Variants in ADGRV1 observed in about 807,000 individuals in gnomAD.
ADGRV1 encodes G-protein coupled receptor 98.
In ADGRV1, 359 loss-of-function variants were observed where a neutral mutation model predicts 596.2. The observed-to-expected ratio is 0.60, with a 90% confidence interval of 0.55 to 0.66. The LOEUF is 0.66. Ranked by LOEUF, ADGRV1 falls within the 30% of genes least tolerant of loss-of-function variation. ADGRV1 has a pLI of 0.00. For synonymous variants in ADGRV1, 2,681 were observed against 2,679.2 expected (o/e 1.00, Z -0.02); for missense variants, 7,274 against 7,575.6 (o/e 0.96, Z 1.48).
intron 86 of ADGRV1, among the ~76,000 whole-genome samples, chr5:91,099,498 G>A (rs1791179040): frequency 6.6e-6 from 1 of 152,216 alleles, no homozygotes; most frequent in South Asian, 2.1e-4. Context: ...TGCCCAGCTG[G>A]AATTGTGGGA....
chr5:90,778,669 T>G, intron 63 of ADGRV1, 60 bp downstream of exon 63: 1 of 1,355,646 alleles, frequency 7.4e-7, no homozygotes. Flanking sequence ...TGAAAATGTT[T>G]TCTTGTTTCT....
Position 90,750,642 on chromosome 5 carries a change from C to T in ADGRV1, c.11066C>T (p.Thr3689Ile), listed in dbSNP as rs1580996220. The stretch of plus-strand genomic sequence containing the variant: ...TTAAAAGGAACATATGGCCGTATAA[C>T]CATAGCATGGGAAGCTGATGGAAGT... ...ERLKGTYGRI[T>I]IAWEADGSIS... The change falls in exon 53 of 90, where the codon ACC becomes ATC. Residue 3689 changes from threonine to isoleucine, a missense_variant. Transcript: ENST00000405460. The T allele has an allele frequency of 2.5e-6, 4 of 1,612,352 alleles. No homozygotes were observed. In the East Asian group the frequency reaches 8.9e-5, roughly 36 times the overall value.
chr5:91,054,102 T>TGTGTGAGA (rs1299621929), intron 85 of ADGRV1, among the ~76,000 whole-genome samples: 13,467 of 126,300 alleles, frequency 0.11, 942 homozygotes, highest in Non-Finnish European at 0.15. Flanking sequence ...TGTGTGTGTG[T>TGTGTGAGA]GAGAGAGAGA....
chr5:90,943,692 T>C (rs1208772995), intron 83 of ADGRV1, among the ~76,000 whole-genome samples: 2 of 152,160 alleles, frequency 1.3e-5, no homozygotes, highest in Non-Finnish European at 2.9e-5. Context: ...CTGGCCTCCT[T>C]CTAGCTGCTG....
chr5:91,107,725 G>A (rs559920166), intron 87 of ADGRV1, among the ~76,000 whole-genome samples: 8 of 152,080 alleles, frequency 5.3e-5, no homozygotes, highest in Non-Finnish European at 1.2e-4. Context: ...GAAATCAGTG[G>A]GATCCAATGG....
chr5:91,063,233 A>G (rs1003946175), intron 85 of ADGRV1, among the ~76,000 whole-genome samples: 1 of 152,110 alleles, frequency 6.6e-6, no homozygotes, highest in Non-Finnish European at 1.5e-5. Flanking sequence ...TGCTGAGATT[A>G]TAGGCATGAG....
At position 90,840,924 on chromosome 5, in the gene ADGRV1, T is replaced by A; in HGVS notation, c.16958T>A (p.Met5653Lys). 1 of 1,519,114 alleles carries A rather than the reference T, an allele frequency of 6.6e-7. No homozygotes were observed. Among genetic ancestry groups the A allele is most frequent in the South Asian group, 1.4e-5 (1 of 71,752 alleles). The allele number at this position is 1,519,114 out of a possible 1,614,324, so 94.1% of individuals were successfully genotyped here. A position where few individuals can be genotyped will look rare whatever the true frequency, so the allele number is the denominator to read the frequency against. The change falls in exon 78 of 90, where the codon ATG (methionine) becomes AAG (lysine). Residue 5653 changes from methionine (M) to lysine (K), a missense_variant. Physicochemically the swap from Met to Lys is moderately conservative, Grantham distance 95 (BLOSUM62 -1). This residue lies in a region of ADGRV1 where 1,874 missense variants were observed against 1,970.2 expected (regional missense o/e 0.95). Transcript: ENST00000405460. ...ILNRVLHTISMKVATENTDEQ... is the reference protein window; with the variant it reads ...ILNRVLHTISKKVATENTDEQ... ...AACAGAGTGCTCCATACCATCAGCATGAAAGTGGCCACAGAAAACACAGAT... is the reference window on the plus strand; with the variant it reads ...AACAGAGTGCTCCATACCATCAGCAAGAAAGTGGCCACAGAAAACACAGAT...
At chr5:90,775,101 A>G (rs966904327) in intron 60 of ADGRV1, among the ~76,000 whole-genome samples, 18 of 152,176 alleles carry the variant, frequency 1.2e-4, no homozygotes, top group African/African-American at 4.3e-4. Flanking sequence ...GCTATAAACA[A>G]TAATAACCAA....
chr5:91,148,255 A>G (rs988741617), intron 87 of ADGRV1, among the ~76,000 whole-genome samples: 5 of 152,224 alleles, frequency 3.3e-5, no homozygotes, highest in African/African-American at 1.2e-4. Context: ...TTAATCGCCA[A>G]GACAATGGGG....
At chr5:90,690,678 G>T in intron 30 of ADGRV1, 119 bp from the exon 31 acceptor site, 1 of 1,030,672 alleles carries the variant, frequency 9.7e-7, no homozygotes, top group East Asian at 2.6e-5. Context: ...GTTTTTGTGG[G>T]TTATAGCTAC....
At chr5:91,115,028 C>T (rs1792728389) in intron 87 of ADGRV1, among the ~76,000 whole-genome samples, 1 of 152,144 alleles carries the variant, frequency 6.6e-6, no homozygotes, top group Non-Finnish European at 1.5e-5. Flanking sequence ...AAAAACAACG[C>T]TGAATATAGG....
At chr5:90,986,179 C>T (rs184073086) in intron 85 of ADGRV1, among the ~76,000 whole-genome samples, 113 of 150,136 alleles carry the variant, frequency 7.5e-4, no homozygotes, top group African/African-American at 2.5e-3. Context: ...CACTGAGCCC[C>T]TCTTAATAGC....
chr5:91,051,395 A>G (rs1166147085), intron 85 of ADGRV1, among the ~76,000 whole-genome samples: 3 of 152,138 alleles, frequency 2.0e-5, no homozygotes, highest in Admixed American at 6.5e-5. Flanking sequence ...GAGATATAAA[A>G]CACTTTATTA....
Position 91,022,402 on chromosome 5 carries a change from G to A in ADGRV1, c.18152+36880G>A, listed in dbSNP as rs1419241536. ...AGACCACTAAATTTATCATCAGGGA[G>A]AGTTTAGTATGAACTCCAAAAATTC... is the stretch of plus-strand genomic sequence containing the variant. On this transcript the variant is annotated intron_variant, in intron 85 of 89. Coordinates refer to ENST00000405460, the MANE Select transcript of ADGRV1 (RefSeq NM_032119.4). Among the ~76,000 whole-genome samples the A allele has an allele frequency of 5.9e-5, 9 of 152,102 alleles. No homozygotes were observed. In the East Asian group the frequency reaches 1.6e-3, roughly 26 times the overall value.
Position 90,643,547 on chromosome 5 carries a change from C to T in ADGRV1, c.2554-256C>T, listed in dbSNP as rs111854513. Among the ~76,000 whole-genome samples, 481 of 152,082 alleles carry T rather than the reference C, an allele frequency of 3.2e-3. 3 individuals carry two copies. The highest frequency in any genetic ancestry group is 0.01 in the African/African-American group (435 of 41,498). On this transcript the variant is annotated intron_variant, in intron 13 of 89. Transcript: ENST00000405460. ...TGACTAGATCATCAGAGATAACATC[C>T]ACTTTTCTTACCATTTTAGAGTAGT...
At chr5:90,888,033 GAAAAGTAT>G (rs1770465363) in intron 83 of ADGRV1, among the ~76,000 whole-genome samples, 1 of 152,110 alleles carries the variant, frequency 6.6e-6, no homozygotes, top group Non-Finnish European at 1.5e-5. Flanking sequence ...CAAATAAAAT[GAAAAGTAT>G]TCTTTAATTC....
intron 83 of ADGRV1, among the ~76,000 whole-genome samples, chr5:90,904,551 C>A (rs539867576): frequency 1.3e-5 from 2 of 151,816 alleles, no homozygotes; most frequent in African/African-American, 4.8e-5. Context: ...GTTCACCATT[C>A]GTTTGTCTTC....
At position 90,788,229 on chromosome 5, in the gene ADGRV1, T is replaced by A. The variant is rs746714582; in HGVS notation, c.13812T>A (p.Val4604=). 3 of 1,613,450 alleles carry A rather than the reference T, an allele frequency of 1.9e-6. No individual in the cohort carries two copies. The South Asian group carries it at 3.3e-5, about 18-fold the overall frequency. The change falls in exon 68 of 90, where the codon GTT becomes GTA. Residue 4604 remains valine, a synonymous_variant. Coordinates refer to ENST00000405460, the MANE Select transcript of ADGRV1 (RefSeq NM_032119.4). ...LTIYPHEEIE[V]EETFIIKLHL... ...TCTATCCTCATGAAGAAATTGAAGT[T>A]GAAGAGACATTCATTATTAAACTTC...
At chr5:90,964,600 G>A (rs568278995) in intron 83 of ADGRV1, among the ~76,000 whole-genome samples, 1 of 152,174 alleles carries the variant, frequency 6.6e-6, no homozygotes, top group South Asian at 2.1e-4. Context: ...TCATTACTCA[G>A]CAAGTATTTA....
Sources: allele counts gnomAD v4.1 joint callset (sites outside exome capture counted in the v4.1 genomes callset), GRCh38; gene constraint gnomAD v4.1.1; regional missense constraint gnomAD v4.1.1; transcripts MANE v1.5; gene names NCBI Gene and HGNC (gene_info 2026-07-23, HGNC 2026-07-21).